ALG12: variants seen among roughly 807,000 people sequenced by gnomAD.
ALG12 encodes the protein dol-P-Man:Man(7)GlcNAc(2)-PP-Dol alpha-1,6-mannosyltransferase.
ALG12 carries 36 observed loss-of-function variants against 46.0 expected under a neutral mutation model. The ratio of observed to expected loss-of-function variants is 0.78; its 90% CI spans 0.60 to 1.03. The LOEUF (loss-of-function observed/expected upper bound fraction) is 1.03, where lower values mean the gene tolerates loss of function less well. Ranked by LOEUF, ALG12 falls within the 50% of genes least tolerant of loss-of-function variation. ALG12 has a pLI of 0.00. For synonymous variants in ALG12, 326 were observed against 291.6 expected (o/e 1.12, Z -1.20); for missense variants, 599 against 633.5 (o/e 0.95, Z 0.58).
the ALG12 span, among the ~76,000 whole-genome samples, chr22:49,867,519 C>T: frequency 6.6e-6 from 1 of 152,180 alleles, no homozygotes; most frequent in African/African-American, 2.4e-5. Context: ...GGAGTTTTTG[C>T]CCCAGAAAGA....
chr22:49,861,495 C>G, the ALG12 span, among the ~76,000 whole-genome samples: 1 of 151,758 alleles, frequency 6.6e-6, no homozygotes, highest in East Asian at 2.0e-4. Context: ...GTGCAGTGGC[C>G]TGATCTTGGC....
At chr22:49,911,820 G>T (rs914583541) in intron 3 of ALG12, among the ~76,000 whole-genome samples, 7 of 152,092 alleles carry the variant, frequency 4.6e-5, no homozygotes, top group African/African-American at 1.7e-4. Flanking sequence ...AATTTCCCCC[G>T]GGCTTTTAAA....
Position 49,901,432 on chromosome 22 carries a change from C to A in ALG12, c.*2406G>T, listed in dbSNP as rs1395667789. The A allele has an allele frequency of 6.6e-6, 1 of 152,102 alleles. No homozygotes were observed. Among genetic ancestry groups the A allele is most frequent in the African/African-American group, 2.4e-5 (1 of 41,296 alleles). 9.4% of individuals were successfully genotyped at this position (152,102 alleles called of 1,614,324 possible). On this transcript the variant is annotated 3_prime_UTR_variant, in exon 10 of 10. Transcript: ENST00000330817. ...GCTCTCAAAGAGCACAGGAAGAAAT[C>A]ATGTCTTTATGCACACGTGTGTGCA...
chr22:49,902,932 C>T lies in ALG12; in HGVS notation c.*906G>A, dbSNP rs553339327. On this transcript the variant is annotated 3_prime_UTR_variant, in exon 10 of 10. Coordinates refer to ENST00000330817, the MANE Select transcript of ALG12 (RefSeq NM_024105.4). ...TATGCATGGTGTGTGCACGTGTGCA[C>T]GGTGTGTGGTGTGTATGCATGGTGT... 121 of 252,398 alleles carry T rather than the reference C, an allele frequency of 4.8e-4. No homozygotes were observed. Among genetic ancestry groups the T allele is most frequent in the African/African-American group, 1.0e-3 (37 of 36,894 alleles). The allele number at this position is 252,398 out of a possible 1,614,324, so 15.6% of individuals were successfully genotyped here.
At chr22:49,888,611 A>G in the ALG12 span, 1,665 of 167,402 alleles carry the variant, frequency 9.9e-3, 16 homozygotes, top group South Asian at 0.068. Context: ...AGTTCTGATC[A>G]TGGCCATGGT....
chr22:49,907,741 A>T lies in ALG12; in HGVS notation c.972T>A (p.Ala324=). Residue 324 remains alanine, a synonymous_variant, in exon 7 of 10, where the codon GCT becomes GCA. Coordinates refer to ENST00000330817, the MANE Select transcript of ALG12 (RefSeq NM_024105.4). ...IYAFPMLNIT[A]ARGCSYLLNN... ...CTCACAGGTAGGAGCAGCCTCTGGC[A>T]GCCGTGATGTTGAGCATGGGGAAGG... The T allele has an allele frequency of 1.9e-6, 3 of 1,614,124 alleles. No individual in the cohort carries two copies. The highest frequency in any genetic ancestry group is 1.1e-5 in the South Asian group (1 of 91,090).
chr22:49,895,918 C>A (rs2060481753), downstream of ALG12, among the ~76,000 whole-genome samples: 1 of 152,188 alleles, frequency 6.6e-6, no homozygotes, highest in South Asian at 2.1e-4. Context: ...AGCCATCAGT[C>A]CACTTGGCAG....
At position 49,905,848 on chromosome 22, in the gene ALG12, C is replaced by T. The variant is rs1325364396; in HGVS notation, c.993-1342G>A. 3.3e-5 allele frequency among the ~76,000 whole-genome samples: 5 copies of T among 152,164 alleles called. No individual in the cohort carries two copies. The highest frequency in any genetic ancestry group is 2.6e-4 in the Admixed American group (4 of 15,286). ...AGCTCGAGGCCCCACCTAGGATGAC[C>T]GCAGCCTCCTAAGTGCCTGCCCCAA... On this transcript the variant is annotated intron_variant, in intron 7 of 9. Coordinates refer to ENST00000330817, the MANE Select transcript of ALG12 (RefSeq NM_024105.4). This position sits in a 1 kb window ranked among gnomAD's most constrained non-coding sequence, Gnocchi z 4.9.
At chr22:49,887,181 C>T in the ALG12 span, 2 of 1,600,890 alleles carry the variant, frequency 1.2e-6, no homozygotes, top group Non-Finnish European at 8.5e-7. Context: ...AGTATTGAAA[C>T]TCACGACGGC....
chr22:49,901,586 GGT>G lies in ALG12; in HGVS notation c.*2250_*2251del, dbSNP rs1422723547. The G allele has an allele frequency of 6.6e-6, 1 of 150,974 alleles. No homozygotes were observed. Among genetic ancestry groups the G allele is most frequent in the Non-Finnish European group, 1.5e-5 (1 of 67,964 alleles). The allele number at this position is 150,974 out of a possible 1,614,324, so 9.4% of individuals were successfully genotyped here. A position where few individuals can be genotyped will look rare whatever the true frequency, so the allele number is the denominator to read the frequency against. ...ATTGCATTGTGTGGTGTGTATGCAT[GGT>G]GTGTGCACCTGTGCATTGTGTGTGT... On this transcript the variant is annotated 3_prime_UTR_variant, in exon 10 of 10. Coordinates refer to ENST00000330817, the MANE Select transcript of ALG12 (RefSeq NM_024105.4).
chr22:49,889,522 G>A, the ALG12 span: 1 of 167,068 alleles, frequency 6.0e-6, no homozygotes, highest in Non-Finnish European at 1.5e-5. Context: ...TAGTTGAAGT[G>A]TTCTGAGTAA....
At chr22:49,865,947 A>G in the ALG12 span, among the ~76,000 whole-genome samples, 1 of 151,656 alleles carries the variant, frequency 6.6e-6, no homozygotes. Context: ...CCCAGCTTCA[A>G]GCAGCCCTCC....
chr22:49,916,179 G>A (rs970579802), intron 1 of ALG12, among the ~76,000 whole-genome samples: 13 of 152,166 alleles, frequency 8.5e-5, no homozygotes, highest in African/African-American at 3.1e-4. Context: ...TGTGAACCCA[G>A]GAGGTGGAGC....
rs1411735412 is a variant in ALG12 at position 49,910,597 on chromosome 22, C to G, written c.306G>C (p.Val102=). The change falls in exon 4 of 10, where the codon GTG becomes GTC. Residue 102 remains valine, a synonymous_variant. Transcript: ENST00000330817. ...GTCCAAAAATCACGCCGAGTCCAAG[C>G]ACTCCTCTAACTAAACAAAGACAGT... ...KFYSQLIVRG[V]LGLGVIFGLW... is the part of the protein sequence containing the mutation. 6.2e-6 allele frequency: 10 copies of G among 1,614,020 alleles called. No homozygotes were observed. Among genetic ancestry groups the G allele is most frequent in the Non-Finnish European group, 8.5e-6 (10 of 1,180,050 alleles).
At chr22:49,870,855 CTG>C in the ALG12 span, among the ~76,000 whole-genome samples, 50 of 152,032 alleles carry the variant, frequency 3.3e-4, 1 homozygote, top group South Asian at 5.4e-3. Flanking sequence ...ATTTTTGTTT[CTG>C]TTACAATCCA....
chr22:49,887,421 G>A, the ALG12 span: 1 of 398,956 alleles, frequency 2.5e-6, no homozygotes, highest in South Asian at 8.1e-5. Flanking sequence ...ATGAAATATG[G>A]TGACTAGATT....
the ALG12 span, chr22:49,884,732 C>T: frequency 6.3e-7 from 1 of 1,593,280 alleles, no homozygotes; most frequent in Non-Finnish European, 8.6e-7. Context: ...ACCCCTCCCA[C>T]TCTGCTGCCT....
the ALG12 span, among the ~76,000 whole-genome samples, chr22:49,881,712 T>C: frequency 6.6e-6 from 1 of 152,194 alleles, no homozygotes; most frequent in African/African-American, 2.4e-5. Context: ...TTTTTTGTTT[T>C]GTAGAGAACA....
intron 1 of ALG12, among the ~76,000 whole-genome samples, chr22:49,916,794 T>A (rs1450441006): frequency 1.3e-5 from 2 of 152,008 alleles, no homozygotes; most frequent in African/African-American, 4.8e-5. Context: ...TCTACAAAAA[T>A]AAAAAATAAA....
Sources: gnomAD v4.1 joint callset for allele counts (sites outside exome capture counted in the v4.1 genomes callset) on GRCh38, gnomAD v4.1.1 for gene constraint, Gnocchi (gnomAD v3.1) non-coding constraint, MANE v1.5 for transcripts, NCBI Gene and HGNC (gene_info 2026-07-23, HGNC 2026-07-21) for gene names.